Variants in LRP1B observed in about 807,000 individuals in gnomAD.
LRP1B encodes LDL receptor related protein 1B.
In LRP1B, 217 loss-of-function variants were observed where a neutral mutation model predicts 556.6. The ratio of observed to expected loss-of-function variants is 0.39; its 90% CI spans 0.35 to 0.44. LRP1B has a LOEUF of 0.44. Ranked by LOEUF, LRP1B falls within the 20% of genes least tolerant of loss-of-function variation. LRP1B has a pLI of 1.00. For synonymous variants in LRP1B, 2,047 were observed against 1,865.8 expected (o/e 1.10, Z -2.50); for missense variants, 5,053 against 5,620.8 (o/e 0.90, Z 3.23).
chr2:141,387,400 A>C (rs1034040003), intron 3 of LRP1B, among the ~76,000 whole-genome samples: 10 of 152,130 alleles, frequency 6.6e-5, no homozygotes, highest in African/African-American at 2.4e-4. Flanking sequence ...GCTTCTTTAA[A>C]AGACAAATAA....
chr2:141,272,620 GA>G (rs1685130162), intron 3 of LRP1B, among the ~76,000 whole-genome samples: 1 of 152,036 alleles, frequency 6.6e-6, no homozygotes, highest in African/African-American at 2.4e-5. Flanking sequence ...AAATGGATGG[GA>G]AAAAAATGTA....
intron 1 of LRP1B, among the ~76,000 whole-genome samples, chr2:142,066,695 C>A (rs1705122277): frequency 6.6e-6 from 1 of 151,498 alleles, no homozygotes; most frequent in Admixed American, 6.6e-5. Context: ...CTGTTCAGCA[C>A]AATCTAGTAT....
intron 7 of LRP1B, among the ~76,000 whole-genome samples, chr2:141,091,326 G>T (rs1307460454): frequency 6.6e-6 from 1 of 152,158 alleles, no homozygotes; most frequent in Non-Finnish European, 1.5e-5. Context: ...AGGATCAAGG[G>T]TGGTGTTAGG....
rs2105425789 is a variant in LRP1B at position 140,701,736 on chromosome 2, G to A, written c.6412C>T (p.Arg2138Ter). The A allele has an allele frequency of 1.2e-6, 2 of 1,612,078 alleles. No homozygotes were observed. Among genetic ancestry groups the A allele is most frequent in the Admixed American group, 1.7e-5 (1 of 59,798 alleles). The change falls in exon 40 of 91, where the codon CGA becomes TGA. Residue 2138 changes from arginine (R) to a stop codon, truncating the protein, a stop_gained. Transcript: ENST00000389484. LOFTEE classifies it high-confidence loss of function. ...GAGTGCTGACCTTTCTCTCTTACTC[G>A]GTTAAATATTTTAACCTCCTTCAGG... ...VNLKEVKIFNRVREKGTNVCA... is the reference protein window; with the variant it reads ...VNLKEVKIFN
intron 7 of LRP1B, among the ~76,000 whole-genome samples, chr2:141,171,874 G>T (rs557362450): frequency 2.6e-5 from 4 of 152,180 alleles, no homozygotes; most frequent in Admixed American, 1.3e-4. Flanking sequence ...ATAATGATTG[G>T]TCTAAAGTAA....
In LRP1B at chr2:141,638,103, G is replaced by A. The variant is rs114174922; in HGVS notation, c.206-157570C>T. On this transcript the variant is annotated intron_variant, in intron 2 of 90. Transcript: ENST00000389484. ...AGTCCCAGATACTTGGAAGGCTGAG[G>A]TAGAGGGATCTCCCAGGAGGCTGCA... Among the ~76,000 whole-genome samples the A allele has an allele frequency of 6.9e-3, 1,051 of 152,148 alleles. 9 individuals are homozygous for A. Among genetic ancestry groups the A allele is most frequent in the African/African-American group, 0.024 (995 of 41,510 alleles).
intron 37 of LRP1B, among the ~76,000 whole-genome samples, chr2:140,704,419 T>C (rs1187369134): frequency 6.6e-6 from 1 of 152,116 alleles, no homozygotes; most frequent in Non-Finnish European, 1.5e-5. Flanking sequence ...CTCAATTATA[T>C]TAATCCTGAA....
chr2:141,729,990 T>C (rs1693210854), intron 2 of LRP1B, among the ~76,000 whole-genome samples: 1 of 151,974 alleles, frequency 6.6e-6, no homozygotes, highest in Non-Finnish European at 1.5e-5. Flanking sequence ...ATCAAAGCAT[T>C]TTTATTTATT....
intron 2 of LRP1B, among the ~76,000 whole-genome samples, chr2:141,769,610 A>C (rs920902758): frequency 2.0e-5 from 3 of 152,148 alleles, no homozygotes; most frequent in African/African-American, 7.2e-5. Context: ...GTTAGGGCAA[A>C]TGGACTCTGA....
intron 22 of LRP1B, among the ~76,000 whole-genome samples, chr2:140,907,416 T>A (rs188448096): frequency 2.6e-5 from 4 of 152,114 alleles, no homozygotes; most frequent in Admixed American, 2.0e-4. Context: ...TTAAATTGGG[T>A]CATATTCAAT....
chr2:141,830,516 AT>A (rs1697078293), intron 1 of LRP1B, among the ~76,000 whole-genome samples: 2 of 151,868 alleles, frequency 1.3e-5, no homozygotes, highest in African/African-American at 4.8e-5. Context: ...GAAATAAAGT[AT>A]TTTTATCATC....
At chr2:140,595,560 A>C (rs1033642191) in intron 43 of LRP1B, among the ~76,000 whole-genome samples, 1 of 152,162 alleles carries the variant, frequency 6.6e-6, no homozygotes. Context: ...GGGGACAAAG[A>C]ACGTTTATTT....
At chr2:141,126,751 A>C (rs1701223281) in intron 7 of LRP1B, among the ~76,000 whole-genome samples, 1 of 152,082 alleles carries the variant, frequency 6.6e-6, no homozygotes, top group Non-Finnish European at 1.5e-5. Flanking sequence ...CCAAACATTA[A>C]ATTTAAAGAA....
At chr2:141,417,092 A>G (rs539982580) in intron 3 of LRP1B, among the ~76,000 whole-genome samples, 1 of 152,276 alleles carries the variant, frequency 6.6e-6, no homozygotes, top group African/African-American at 2.4e-5. Context: ...ATTGTTTCCT[A>G]TCTTTACTTT....
intron 3 of LRP1B, among the ~76,000 whole-genome samples, chr2:141,418,346 T>C (rs1679996820): frequency 6.6e-6 from 1 of 152,158 alleles, no homozygotes; most frequent in African/African-American, 2.4e-5. Context: ...TACATTCTTT[T>C]CTTTAAATTT....
In LRP1B at chr2:141,614,080, C is replaced by CAAAAAAAAAAAA. The variant is rs550183140; in HGVS notation, c.206-133559_206-133548dup. 1.9e-3 allele frequency among the ~76,000 whole-genome samples: 92 copies of CAAAAAAAAAAAA among 47,304 alleles called. 3 individuals carry two copies. Among genetic ancestry groups the CAAAAAAAAAAAA allele is most frequent in the African/African-American group, 5.2e-3 (59 of 11,320 alleles). The allele number at this position is 47,304 out of a possible 152,430, so 31.0% of individuals were successfully genotyped here. A position where few individuals can be genotyped will look rare whatever the true frequency, so the allele number is the denominator to read the frequency against. ...GGGCGATAAGAGCAAAACTCAGCCT[C>CAAAAAAAAAAAA]AAAAAAAAAAAAAAAAAAAAAGAAA... On this transcript the variant is annotated intron_variant, in intron 2 of 90. Transcript: ENST00000389484.
chr2:141,098,572 A>G (rs1478517603), intron 7 of LRP1B, among the ~76,000 whole-genome samples: 2 of 152,236 alleles, frequency 1.3e-5, no homozygotes, highest in African/African-American at 4.8e-5. Context: ...ATCTTAGCTT[A>G]CATGAGGACC....
chr2:142,015,009 A>T (rs1703075358), intron 1 of LRP1B, among the ~76,000 whole-genome samples: 1 of 152,366 alleles, frequency 6.6e-6, no homozygotes, highest in South Asian at 2.1e-4. Flanking sequence ...TGGGGGATTT[A>T]AATCCTTTTT....
chr2:141,750,280 G>T (rs1694063047), intron 2 of LRP1B, among the ~76,000 whole-genome samples: 1 of 152,100 alleles, frequency 6.6e-6, no homozygotes. Flanking sequence ...AGATACCCCA[G>T]ATCCACCTGT....
Sources: allele counts gnomAD v4.1 joint callset (sites outside exome capture counted in the v4.1 genomes callset), GRCh38; gene constraint gnomAD v4.1.1; transcripts MANE v1.5; gene names NCBI Gene and HGNC (gene_info 2026-07-23, HGNC 2026-07-21).